MUC5AC: variants seen among roughly 807,000 people sequenced by gnomAD.
MUC5AC encodes the protein mucin 5AC, oligomeric mucus/gel-forming, also known as mucin-5AC.
In MUC5AC, 158 loss-of-function variants were observed where a neutral mutation model predicts 169.7. That is an observed-to-expected ratio of 0.93 (90% CI 0.82 to 1.06). MUC5AC has a LOEUF of 1.06. Among genes scored for constraint, MUC5AC ranks in the 50% least tolerant of loss-of-function variants. MUC5AC has a pLI of 0.00. For synonymous variants in MUC5AC, 1,975 were observed against 1,237.0 expected (o/e 1.60, Z -12.52); for missense variants, 4,359 against 3,089.9 (o/e 1.41, Z -9.74).
intron 16 of MUC5AC, 147 bp downstream of exon 16, chr11:1,172,670 C>G: frequency 2.5e-6 from 1 of 397,584 alleles, no homozygotes; most frequent in Non-Finnish European, 4.4e-6. Flanking sequence ...GGAACCCAGT[C>G]TGTCTGTCCA....
chr11:1,161,455 G>C, intron 2 of MUC5AC, 72 bp from the exon 3 acceptor site: 1 of 1,292,532 alleles, frequency 7.7e-7, no homozygotes, highest in South Asian at 1.6e-5. Context: ...ACTCTGGAAC[G>C]TCTCCTCTGG....
At chr11:1,158,376 C>T (rs1220490805) in intron 1 of MUC5AC, among the ~76,000 whole-genome samples, 1 of 152,234 alleles carries the variant, frequency 6.6e-6, no homozygotes, top group Non-Finnish European at 1.5e-5. Flanking sequence ...CAGAAGCCGA[C>T]AGCACCTGGC....
intron 15 of MUC5AC, among the ~76,000 whole-genome samples, 176 bp from the exon 16 acceptor site, chr11:1,172,253 G>C (rs1860567040): frequency 6.6e-6 from 1 of 152,212 alleles, no homozygotes; most frequent in Non-Finnish European, 1.5e-5. Context: ...GTTTGGGGGA[G>C]CTTTTCCTCG....
chr11:1,162,745 C>A, intron 5 of MUC5AC, 99 bp downstream of exon 5: 1 of 1,176,216 alleles, frequency 8.5e-7, no homozygotes, highest in Non-Finnish European at 1.2e-6. Context: ...GCCCTGGGCC[C>A]AGTCAGGGTC....
At chr11:1,161,808 C>A (rs1401273673) in intron 3 of MUC5AC, 99 bp from the exon 4 acceptor site, 1 of 1,486,248 alleles carries the variant, frequency 6.7e-7, no homozygotes, top group East Asian at 2.4e-5. Context: ...GCACTTCCTG[C>A]AGGACCCTGG....
intron 32 of MUC5AC, 66 bp downstream of exon 32, chr11:1,193,048 C>A: frequency 1.6e-6 from 1 of 616,934 alleles, no homozygotes; most frequent in Non-Finnish European, 2.9e-6. Flanking sequence ...AATGTCTTTG[C>A]AATTAGTCTT....
In MUC5AC at chr11:1,196,954, C is replaced by T. The variant is rs147256471; in HGVS notation, c.15861+46C>T. ...AAGAGGGCACTGGGGTCCAAGAGCC[C>T]GAGGAGGGAGGCTCTTGAAACACCG... On this transcript the variant is annotated intron_variant, in intron 40 of 48. Transcript: ENST00000621226. The T allele has an allele frequency of 3.1e-4, 230 of 747,964 alleles. No homozygotes were observed. In the East Asian group the frequency reaches 4.8e-3, roughly 16 times the overall value. 46.3% of individuals were successfully genotyped at this position (747,964 alleles called of 1,614,324 possible).
At chr11:1,158,820 GCCCA>G (rs1860040580) in intron 1 of MUC5AC, among the ~76,000 whole-genome samples, 1 of 152,210 alleles carries the variant, frequency 6.6e-6, no homozygotes, top group South Asian at 2.1e-4. Context: ...CCGCCACATG[GCCCA>G]CCCAGGTCCC....
Position 1,194,642 on chromosome 11 carries a change from G to A in MUC5AC, c.15162G>A (p.Lys5054=), listed in dbSNP as rs1394416225. The change falls in exon 35 of 49, where the codon AAG becomes AAA. Residue 5054 remains lysine, a synonymous_variant. Coordinates refer to ENST00000621226, the MANE Select transcript of MUC5AC (RefSeq NM_001304359.2). The stretch of plus-strand genomic sequence containing the variant: ...TCTCCGTGGAGGTGCCCTTCAGCAA[G>A]TTTGCCAACAACACCGAGGGCCAGT... The part of the protein sequence containing the change: ...LIFSVEVPFS[K]FANNTEGQCG... 1 of 763,522 alleles carries A rather than the reference G, an allele frequency of 1.3e-6. No individual in the cohort carries two copies. 47.3% of individuals were successfully genotyped at this position (763,522 alleles called of 1,614,324 possible). A position where few individuals can be genotyped will look rare whatever the true frequency, so the allele number is the denominator to read the frequency against.
chr11:1,194,539 T>C lies in MUC5AC; in HGVS notation c.15059T>C (p.Val5020Ala), dbSNP rs1397134509. The change falls in exon 35 of 49, where the codon GTG becomes GCG. Residue 5020 changes from valine (V) to alanine (A), a missense_variant. By Grantham distance (64) the Val-to-Ala change is moderately conservative. Coordinates refer to ENST00000621226, the MANE Select transcript of MUC5AC (RefSeq NM_001304359.2). The stretch of plus-strand genomic sequence containing the variant: ...CCCGGCTTCCGGAAAAACGGCATCG[T>C]GGTCTCGCGCATCGGCGTCAAGATG... Reference protein sequence around the residue: ...VSPGFRKNGIVVSRIGVKMYA... With the variant: ...VSPGFRKNGIAVSRIGVKMYA... 14 of 763,626 alleles carry C rather than the reference T, an allele frequency of 1.8e-5. No homozygotes were observed. Among genetic ancestry groups the C allele is most frequent in the Non-Finnish European group, 3.1e-5 (13 of 417,072 alleles). 47.3% of individuals were successfully genotyped at this position (763,626 alleles called of 1,614,324 possible).
intron 33 of MUC5AC, among the ~76,000 whole-genome samples, 158 bp downstream of exon 33, chr11:1,193,817 GC>G (rs1399702187): frequency 6.6e-6 from 1 of 152,236 alleles, no homozygotes; most frequent in Non-Finnish European, 1.5e-5. Flanking sequence ...GCCGCATGGG[GC>G]CGAGCCTCCC....
intron 27 of MUC5AC, 65 bp downstream of exon 27, chr11:1,180,215 G>A (rs1191913645): frequency 2.0e-5 from 8 of 398,298 alleles, no homozygotes; most frequent in South Asian, 2.5e-4. Flanking sequence ...CTGGCCCCTC[G>A]AGGAGCCTCT....
chr11:1,158,371 G>C (rs558046154), intron 1 of MUC5AC, among the ~76,000 whole-genome samples: 32 of 152,294 alleles, frequency 2.1e-4, no homozygotes, highest in Non-Finnish European at 5.9e-5. Flanking sequence ...GTCCCCAGAA[G>C]CCGACAGCAC....
chr11:1,164,483 C>T lies in MUC5AC; in HGVS notation c.1080C>T (p.His360=). 6.2e-7 allele frequency: 1 copy of T among 1,611,876 alleles called. No homozygotes were observed. The change falls in exon 9 of 49, where the codon CAC becomes CAT. Residue 360 remains histidine (H), a synonymous_variant. Transcript: ENST00000621226. ...PCADTCSNQE[H]SRACEDHCVA... ...CAGACACCTGCTCCAACCAGGAGCA[C>T]TCCCGGGCCTGTGAGGACCACTGTG... is the stretch of plus-strand genomic sequence containing the variant.
At chr11:1,199,826 C>T (rs1020139199) in intron 47 of MUC5AC, 29 bp from the exon 48 acceptor site, 5 of 748,668 alleles carry the variant, frequency 6.7e-6, no homozygotes, top group Non-Finnish European at 1.2e-5. Context: ...AGCAGCTGGG[C>T]TGGTCCTAAA....
Position 1,186,188 on chromosome 11 carries a change from A to G in MUC5AC, c.8043A>G (p.Thr2681=). 2 of 742,208 alleles carry G rather than the reference A, an allele frequency of 2.7e-6. No individual in the cohort carries two copies. Among genetic ancestry groups the G allele is most frequent in the South Asian group, 2.8e-5 (2 of 72,264 alleles). The allele number at this position is 742,208 out of a possible 1,614,324, so 46.0% of individuals were successfully genotyped here. ...CCACCAGCACAACTTCTGCTTCTAC[A>G]ACCAGCACAACCTCTGCTTCTACAA... is the stretch of plus-strand genomic sequence containing the variant. The part of the protein sequence containing the change: ...VPTTSTTSAS[T]TSTTSASTTS... Residue 2681 remains threonine, a synonymous_variant, in exon 31 of 49, where the codon ACA becomes ACG. Coordinates refer to ENST00000621226, the MANE Select transcript of MUC5AC (RefSeq NM_001304359.2).
At chr11:1,161,473 GC>G (rs1456503439) in intron 2 of MUC5AC, 53 bp from the exon 3 acceptor site, 12 of 1,437,118 alleles carry the variant, frequency 8.4e-6, no homozygotes, top group South Asian at 4.1e-5. Context: ...TGGCTGCGGA[GC>G]CCCCGCCCCA....
At chr11:1,199,652 C>A in intron 46 of MUC5AC, 43 bp from the exon 47 acceptor site, 1 of 701,112 alleles carries the variant, frequency 1.4e-6, no homozygotes, top group South Asian at 1.5e-5. Context: ...CTGTGGGGGC[C>A]GCCGAGCGCC....
Position 1,188,510 on chromosome 11 carries a change from C to G in MUC5AC, c.10365C>G (p.Thr3455=). ...CCTCTGCTACTACAACCAGCACAAC[C>G]TCTGCCCCTACAAGCAGCACAACCT... ...STTSATTTST[T]SAPTSSTTST... is the part of the protein sequence containing the mutation. The change falls in exon 31 of 49, where the codon ACC becomes ACG. Residue 3455 remains threonine (T), a synonymous_variant. Transcript: ENST00000621226. The G allele has an allele frequency of 5.5e-6, 4 of 723,908 alleles. No individual in the cohort carries two copies. Among genetic ancestry groups the G allele is most frequent in the Non-Finnish European group, 1.0e-5 (4 of 395,924 alleles). 44.8% of individuals were successfully genotyped at this position (723,908 alleles called of 1,614,324 possible). A position where few individuals can be genotyped will look rare whatever the true frequency, so the allele number is the denominator to read the frequency against.
Sources: gnomAD v4.1 joint callset for allele counts (sites outside exome capture counted in the v4.1 genomes callset) on GRCh38, gnomAD v4.1.1 for gene constraint, MANE v1.5 for transcripts, NCBI Gene and HGNC (gene_info 2026-07-23, HGNC 2026-07-21) for gene names.